The following RBM47 variants were observed in gnomAD, a reference collection of about 807,000 sequenced individuals.
RBM47 encodes RNA binding motif protein 47.
RBM47 carries 21 observed loss-of-function variants against 47.1 expected under a neutral mutation model. That is an observed-to-expected ratio of 0.45 (90% CI 0.32 to 0.64). RBM47 has a LOEUF of 0.64. Ranked by LOEUF, RBM47 falls within the 30% of genes least tolerant of loss-of-function variation. RBM47 has a pLI of 0.05. For missense variants in RBM47, 708 were observed against 870.9 expected (o/e 0.81, Z 2.35); for synonymous variants, 375 against 361.7 (o/e 1.04, Z -0.42).
At chr4:40,589,845 G>A (rs1203063890) in intron 1 of RBM47, among the ~76,000 whole-genome samples, 1 of 152,196 alleles carries the variant, frequency 6.6e-6, no homozygotes, top group East Asian at 1.9e-4. Flanking sequence ...ATAAGACACT[G>A]ATCAAGAACA....
At chr4:40,435,487 G>T (rs1234562160) in intron 5 of RBM47, among the ~76,000 whole-genome samples, 1 of 152,140 alleles carries the variant, frequency 6.6e-6, no homozygotes, top group African/African-American at 2.4e-5. Flanking sequence ...GGTGGAGGTT[G>T]CAGTGTGCCG....
intron 2 of RBM47, among the ~76,000 whole-genome samples, chr4:40,473,011 A>T (rs916544268): frequency 2.6e-5 from 4 of 152,182 alleles, no homozygotes; most frequent in African/African-American, 4.8e-5. Flanking sequence ...GCCACATCCA[A>T]CGATGTCCCT....
At chr4:40,556,435 G>C (rs965408188) in intron 1 of RBM47, among the ~76,000 whole-genome samples, 1 of 151,976 alleles carries the variant, frequency 6.6e-6, no homozygotes, top group African/African-American at 2.4e-5. Flanking sequence ...CAGCACTTTG[G>C]GAGGCCAAGG....
intron 1 of RBM47, among the ~76,000 whole-genome samples, chr4:40,564,389 G>T (rs553923662): frequency 6.6e-6 from 1 of 152,242 alleles, no homozygotes; most frequent in South Asian, 2.1e-4. Context: ...AGCTACCCCC[G>T]AACCTGCACA....
At chr4:40,622,453 G>A (rs1385812033) in intron 1 of RBM47, among the ~76,000 whole-genome samples, 4 of 152,326 alleles carry the variant, frequency 2.6e-5, no homozygotes, top group Middle Eastern at 3.4e-3. Flanking sequence ...GAGGAAGTAA[G>A]GATGTGTGTG....
At chr4:40,514,902 C>G (rs541456528) in intron 2 of RBM47, 1 of 151,370 alleles carries the variant, frequency 6.6e-6, no homozygotes, top group South Asian at 2.1e-4. Flanking sequence ...AATCCTCAAA[C>G]AAGTCTTGGC....
intron 2 of RBM47, among the ~76,000 whole-genome samples, chr4:40,467,376 A>G (rs1577708168): frequency 6.8e-6 from 1 of 147,868 alleles, no homozygotes; most frequent in East Asian, 2.0e-4. Flanking sequence ...TGCAAACGCC[A>G]CCTCCCAGGT....
At chr4:40,513,543 TTTA>T (rs1577855131) in intron 2 of RBM47, among the ~76,000 whole-genome samples, 1 of 152,286 alleles carries the variant, frequency 6.6e-6, no homozygotes, top group East Asian at 1.9e-4. Flanking sequence ...AGGCTGTAGC[TTTA>T]TTATATTTTC....
At chr4:40,505,796 A>G (rs1026869874) in intron 2 of RBM47, among the ~76,000 whole-genome samples, 20 of 152,056 alleles carry the variant, frequency 1.3e-4, no homozygotes, top group African/African-American at 4.1e-4. Flanking sequence ...GAAGGCTGAG[A>G]CACGAGAATC....
At chr4:40,528,633 C>T (rs552551209) in intron 2 of RBM47, among the ~76,000 whole-genome samples, 18 of 151,398 alleles carry the variant, frequency 1.2e-4, no homozygotes, top group Non-Finnish European at 2.1e-4. Flanking sequence ...GGCATGGTGG[C>T]ATGCACCTGT....
At chr4:40,562,461 A>ATT (rs67887812) in intron 1 of RBM47, among the ~76,000 whole-genome samples, 150 of 113,716 alleles carry the variant, frequency 1.3e-3, no homozygotes, top group Admixed American at 1.9e-3. Context: ...ACTTCTCCCT[A>ATT]TTTTTTTTTT....
At chr4:40,526,817 T>G (rs435801) in intron 2 of RBM47, among the ~76,000 whole-genome samples, 23,376 of 94,496 alleles carry the variant, frequency 0.25, 3,703 homozygotes, top group African/African-American at 0.56. Context: ...TTTTTTTTTT[T>G]GCAACCTTTT....
At chr4:40,430,178 G>A (rs1217579178) in intron 6 of RBM47, among the ~76,000 whole-genome samples, 3 of 151,994 alleles carry the variant, frequency 2.0e-5, no homozygotes, top group Non-Finnish European at 4.4e-5. Context: ...CTGGGCGACA[G>A]AGCGAGACAC....
At chr4:40,440,416 C>A (rs1713439012) in intron 3 of RBM47, among the ~76,000 whole-genome samples, 1 of 152,058 alleles carries the variant, frequency 6.6e-6, no homozygotes, top group South Asian at 2.1e-4. Flanking sequence ...TATAAGGTTT[C>A]ATCAATTAAT....
At chr4:40,483,063 G>A (rs1720630129) in intron 2 of RBM47, among the ~76,000 whole-genome samples, 1 of 152,196 alleles carries the variant, frequency 6.6e-6, no homozygotes, top group African/African-American at 2.4e-5. Context: ...AATGATTACA[G>A]GTGAAATTAG....
chr4:40,546,417 T>A (rs1729046254), intron 1 of RBM47, among the ~76,000 whole-genome samples: 1 of 152,220 alleles, frequency 6.6e-6, no homozygotes, highest in Non-Finnish European at 1.5e-5. Context: ...CCCAAAGTGC[T>A]GGGATTACAG....
chr4:40,542,094 A>G (rs1321960152), intron 2 of RBM47, among the ~76,000 whole-genome samples: 1 of 152,232 alleles, frequency 6.6e-6, no homozygotes, highest in Non-Finnish European at 1.5e-5. Flanking sequence ...AAGGATTAGC[A>G]GGGGAGCAAT....
intron 1 of RBM47, among the ~76,000 whole-genome samples, chr4:40,572,366 CAAAAA>C (rs147366103): frequency 7.0e-6 from 1 of 142,516 alleles, no homozygotes; most frequent in Non-Finnish European, 1.5e-5. Context: ...GACTCCATCT[CAAAAA>C]AAAAAAGGCA....
rs182971134 is a variant in RBM47, at chr4:40,581,736, A to T, written c.-239-37230T>A. Among the ~76,000 whole-genome samples the T allele has an allele frequency of 4.0e-3, 378 of 94,088 alleles. 1 individual carries two copies. Among genetic ancestry groups the T allele is most frequent in the African/African-American group, 0.014 (335 of 24,462 alleles). 61.7% of individuals were successfully genotyped at this position (94,088 alleles called of 152,430 possible). On this transcript the variant is annotated intron_variant, in intron 1 of 6. Transcript: ENST00000295971. ...GAGAGCCTTCAGGGTGTGTGTGAAG[A>T]GAGGCTGCAGCCCAGGTGTATGGCA...
Sources: gnomAD v4.1 joint callset for allele counts (sites outside exome capture counted in the v4.1 genomes callset) on GRCh38, gnomAD v4.1.1 for gene constraint, MANE v1.5 for transcripts, NCBI Gene and HGNC (gene_info 2026-07-23, HGNC 2026-07-21) for gene names.